Variants in ANO2 observed in about 807,000 individuals in gnomAD.
ANO2 encodes anoctamin-2.
In ANO2, 101 loss-of-function variants were observed where a neutral mutation model predicts 124.2. The ratio of observed to expected loss-of-function variants is 0.81; its 90% CI spans 0.69 to 0.96. ANO2 has a LOEUF of 0.96. Among genes scored for constraint, ANO2 ranks in the 40% least tolerant of loss-of-function variants. The probability of loss-of-function intolerance (pLI) is 0.00; values close to 1 mark genes in which losing one functional copy is unlikely to be tolerated. For synonymous variants in ANO2, 486 were observed against 482.5 expected (o/e 1.01, Z -0.09); for missense variants, 1,293 against 1,274.5 (o/e 1.01, Z -0.22).
At chr12:5,833,914 C>T (rs1165663536) in intron 4 of ANO2, among the ~76,000 whole-genome samples, 2 of 152,160 alleles carry the variant, frequency 1.3e-5, no homozygotes, top group Non-Finnish European at 2.9e-5. Flanking sequence ...CAGGCAGCCT[C>T]AGCCTTGGTC....
intron 1 of ANO2, among the ~76,000 whole-genome samples, chr12:5,944,968 T>TA (rs112956167): frequency 0.058 from 8,397 of 145,902 alleles, 696 homozygotes; most frequent in African/African-American, 0.18. Flanking sequence ...CTCCTTGAGT[T>TA]AAAAAAAAAA....
intron 16 of ANO2, among the ~76,000 whole-genome samples, chr12:5,619,904 T>C (rs1467507448): frequency 6.6e-6 from 1 of 152,148 alleles, no homozygotes; most frequent in Admixed American, 6.5e-5. Context: ...CTTTCCTAAG[T>C]GAAGAGAAAG....
At chr12:5,722,322 C>T (rs981277706) in intron 14 of ANO2, among the ~76,000 whole-genome samples, 15 of 152,068 alleles carry the variant, frequency 9.9e-5, no homozygotes, top group African/African-American at 3.4e-4. Context: ...CTGGCTAACA[C>T]GGTGAAACCC....
intron 9 of ANO2, among the ~76,000 whole-genome samples, chr12:5,801,403 G>C (rs1434352588): frequency 6.6e-6 from 1 of 152,178 alleles, no homozygotes; most frequent in Non-Finnish European, 1.5e-5. Flanking sequence ...TAATACAGCT[G>C]CTATTTTGTT....
intron 7 of ANO2, among the ~76,000 whole-genome samples, chr12:5,821,861 A>T (rs1304061051): frequency 1.3e-5 from 2 of 152,200 alleles, no homozygotes; most frequent in African/African-American, 2.4e-5. Flanking sequence ...AGGTCCTGAA[A>T]GCACAAGTAA....
chr12:5,648,902 A>T (rs1362757757), intron 14 of ANO2, among the ~76,000 whole-genome samples: 3 of 152,224 alleles, frequency 2.0e-5, no homozygotes, highest in Non-Finnish European at 2.9e-5. Context: ...GATACTCAGA[A>T]CACACCTGAT....
intron 3 of ANO2, among the ~76,000 whole-genome samples, chr12:5,917,718 C>T (rs918565255): frequency 6.6e-6 from 1 of 151,914 alleles, no homozygotes; most frequent in African/African-American, 2.4e-5. Flanking sequence ...CAGATGCGCA[C>T]CACCACACCC....
intron 14 of ANO2, among the ~76,000 whole-genome samples, chr12:5,711,307 G>T (rs920408791): frequency 1.3e-5 from 2 of 152,094 alleles, no homozygotes; most frequent in Non-Finnish European, 2.9e-5. Flanking sequence ...GTGAGAGCTG[G>T]TTAAAGAGAC....
At chr12:5,630,882 G>T (rs140724092) in intron 16 of ANO2, among the ~76,000 whole-genome samples, 69 of 152,256 alleles carry the variant, frequency 4.5e-4, no homozygotes, top group Non-Finnish European at 4.7e-4. Context: ...TAATTAGGCC[G>T]ATTCTAGCCA....
intron 10 of ANO2, among the ~76,000 whole-genome samples, chr12:5,797,782 G>A (rs1223659168): frequency 6.6e-6 from 1 of 152,176 alleles, no homozygotes; most frequent in African/African-American, 2.4e-5. Context: ...GAGTGTTCCA[G>A]GCCATCTGAT....
intron 13 of ANO2, chr12:5,738,998 T>C: frequency 2.2e-6 from 1 of 462,386 alleles, no homozygotes; most frequent in Admixed American, 2.5e-5. Flanking sequence ...TCTGGCTTTA[T>C]GATCTCAAGA....
intron 20 of ANO2, chr12:5,584,161 T>G (rs1347639195): frequency 6.1e-6 from 1 of 163,748 alleles, no homozygotes; most frequent in Non-Finnish European, 1.3e-5. Flanking sequence ...ATATTAATGT[T>G]GATCATGTCA....
At chr12:5,711,746 T>A (rs1371095798) in intron 14 of ANO2, among the ~76,000 whole-genome samples, 1 of 152,194 alleles carries the variant, frequency 6.6e-6, no homozygotes, top group Non-Finnish European at 1.5e-5. Context: ...GTGCACGCAA[T>A]CATCATACAT....
At chr12:5,678,976 C>T (rs555890437) in intron 14 of ANO2, among the ~76,000 whole-genome samples, 32 of 152,276 alleles carry the variant, frequency 2.1e-4, no homozygotes, top group African/African-American at 7.7e-4. Flanking sequence ...ACATCAATGC[C>T]AGCTCAGGTG....
chr12:5,841,409 C>A (rs1295072308), intron 4 of ANO2, among the ~76,000 whole-genome samples: 1 of 152,220 alleles, frequency 6.6e-6, no homozygotes, highest in African/African-American at 2.4e-5. Context: ...AATGCACATT[C>A]TCTAGTGTCT....
intron 3 of ANO2, among the ~76,000 whole-genome samples, chr12:5,879,051 T>G (rs189394729): frequency 6.6e-6 from 1 of 152,224 alleles, no homozygotes; most frequent in African/African-American, 2.4e-5. Flanking sequence ...TGCGAGAACA[T>G]GACAGTGTTC....
intron 3 of ANO2, among the ~76,000 whole-genome samples, chr12:5,877,165 G>A (rs958110352): frequency 2.0e-5 from 3 of 152,124 alleles, no homozygotes; most frequent in Admixed American, 2.0e-4. Flanking sequence ...AGGTCATAGT[G>A]GATTAAGGTG....
chr12:5,692,821 G>A lies in ANO2; in HGVS notation c.1545+39699C>T, dbSNP rs527909702. On this transcript the variant is annotated intron_variant, in intron 14 of 24. Transcript: ENST00000682330. ...GCAGACAGTGTGAGGGAACGCTTCC[G>A]CCAGGCAAAGGAAAAGAGAGACTGA... Among the ~76,000 whole-genome samples, 14 of 152,314 alleles carry A rather than the reference G, an allele frequency of 9.2e-5. No homozygotes were observed. In the South Asian group the frequency reaches 1.0e-3, roughly 11 times the overall value.
chr12:5,646,152 C>A (rs1946627923), intron 15 of ANO2, among the ~76,000 whole-genome samples: 1 of 152,180 alleles, frequency 6.6e-6, no homozygotes, highest in Admixed American at 6.5e-5. Context: ...ACCCTAATTT[C>A]TATCCTCCCT....
Sources: allele counts gnomAD v4.1 joint callset (sites outside exome capture counted in the v4.1 genomes callset), GRCh38; gene constraint gnomAD v4.1.1; transcripts MANE v1.5; gene names NCBI Gene and HGNC (gene_info 2026-07-23, HGNC 2026-07-21).